The following FER1L6 variants were observed in gnomAD, a reference collection of about 807,000 sequenced individuals.
The protein encoded by FER1L6 is fer-1-like protein 6.
FER1L6 carries 177 observed loss-of-function variants against 219.2 expected under a neutral mutation model. The ratio of observed to expected loss-of-function variants is 0.81; its 90% CI spans 0.71 to 0.91. The LOEUF is 0.91. Among genes scored for constraint, FER1L6 ranks in the 40% least tolerant of loss-of-function variants. The probability of loss-of-function intolerance (pLI) is 0.00; values close to 1 mark genes in which losing one functional copy is unlikely to be tolerated. For synonymous variants in FER1L6, 768 were observed against 824.3 expected (o/e 0.93, Z 1.17); for missense variants, 2,153 against 2,259.9 (o/e 0.95, Z 0.96).
At chr8:123,952,224 G>A (rs1475057976) in intron 1 of FER1L6, among the ~76,000 whole-genome samples, 1 of 152,182 alleles carries the variant, frequency 6.6e-6, no homozygotes, top group Non-Finnish European at 1.5e-5. Flanking sequence ...GCTCAGAGAA[G>A]TCCCAGGGCC....
intron 1 of FER1L6, among the ~76,000 whole-genome samples, chr8:123,910,524 C>T (rs1813032941): frequency 6.6e-6 from 1 of 152,202 alleles, no homozygotes; most frequent in African/African-American, 2.4e-5. Context: ...TTTTGTTCAA[C>T]ATAATTTCAT....
At chr8:124,106,530 A>C (rs1822783819) in intron 39 of FER1L6, among the ~76,000 whole-genome samples, 2 of 152,004 alleles carry the variant, frequency 1.3e-5, no homozygotes, top group African/African-American at 4.8e-5. Context: ...CTCCCCTCTC[A>C]ACCATCCTGA....
chr8:123,944,875 G>A (rs79294584), intron 1 of FER1L6, among the ~76,000 whole-genome samples: 2 of 152,138 alleles, frequency 1.3e-5, no homozygotes, highest in African/African-American at 4.8e-5. Context: ...TATCTACTCA[G>A]GGTCTTGGCT....
intron 34 of FER1L6, among the ~76,000 whole-genome samples, chr8:124,093,829 A>C (rs1302780997): frequency 2.0e-5 from 3 of 151,644 alleles, no homozygotes; most frequent in Non-Finnish European, 4.4e-5. Context: ...TGGGTACATA[A>C]TAGGTATTTA....
chr8:123,902,527 C>T (rs1047149963), intron 1 of FER1L6, among the ~76,000 whole-genome samples: 2 of 152,104 alleles, frequency 1.3e-5, no homozygotes, highest in African/African-American at 4.8e-5. Flanking sequence ...GTGATATTTT[C>T]CTGTTGCACA....
intron 33 of FER1L6, among the ~76,000 whole-genome samples, chr8:124,086,455 A>T (rs1340235940): frequency 6.6e-6 from 1 of 152,032 alleles, no homozygotes; most frequent in Non-Finnish European, 1.5e-5. Context: ...AACAAAAAAA[A>T]AAAGCAAAAA....
intron 31 of FER1L6, among the ~76,000 whole-genome samples, chr8:124,073,710 T>A (rs1304158115): frequency 6.6e-6 from 1 of 152,218 alleles, no homozygotes; most frequent in African/African-American, 2.4e-5. Context: ...GACCCTGTTC[T>A]ATGTCCTAGA....
chr8:123,936,241 G>A (rs1437770487), intron 1 of FER1L6, among the ~76,000 whole-genome samples: 1 of 152,150 alleles, frequency 6.6e-6, no homozygotes. Context: ...TTCAAGCATA[G>A]AACCAGAAGA....
chr8:124,113,760 ATCC>A (rs1823114238), intron 39 of FER1L6, among the ~76,000 whole-genome samples: 1 of 152,134 alleles, frequency 6.6e-6, no homozygotes, highest in Admixed American at 6.5e-5. Context: ...CTTATTCTCT[ATCC>A]TCTGTATTTC....
At chr8:124,027,285 T>C (rs1818750020) in intron 18 of FER1L6, among the ~76,000 whole-genome samples, 1 of 152,204 alleles carries the variant, frequency 6.6e-6, no homozygotes, top group Non-Finnish European at 1.5e-5. Flanking sequence ...TATATACTAG[T>C]TGTATGACCT....
intron 18 of FER1L6, 120 bp from the exon 19 acceptor site, chr8:124,035,157 G>A (rs987829729): frequency 9.5e-6 from 10 of 1,053,216 alleles, no homozygotes; most frequent in East Asian, 5.0e-5. Flanking sequence ...AGGAGCTCTT[G>A]AGAACTGCTC....
chr8:124,010,832 T>C, intron 14 of FER1L6, 118 bp downstream of exon 14: 1 of 1,389,730 alleles, frequency 7.2e-7, no homozygotes. Context: ...AAATTGAGGA[T>C]GCTGCATTTG....
intron 1 of FER1L6, among the ~76,000 whole-genome samples, chr8:123,938,330 A>G (rs16899118): frequency 0.25 from 37,997 of 152,124 alleles, 5,226 homozygotes; most frequent in East Asian, 0.41. Context: ...GAAAAGCTAC[A>G]TCATGACTTG....
chr8:123,906,386 C>A (rs1812953396), intron 1 of FER1L6, among the ~76,000 whole-genome samples: 1 of 152,140 alleles, frequency 6.6e-6, no homozygotes, highest in South Asian at 2.1e-4. Context: ...TAGGAAAAAT[C>A]TGGGTGAGTG....
intron 1 of FER1L6, among the ~76,000 whole-genome samples, chr8:123,878,211 G>A (rs763236530): frequency 6.6e-6 from 1 of 152,134 alleles, no homozygotes; most frequent in Non-Finnish European, 1.5e-5. Context: ...AGGAAGACAC[G>A]TGCTGTGCTG....
chr8:123,877,643 C>T (rs1222265884), intron 1 of FER1L6, among the ~76,000 whole-genome samples: 9 of 152,036 alleles, frequency 5.9e-5, no homozygotes, highest in African/African-American at 1.4e-4. Context: ...CTTGAATCTA[C>T]GTCTCTCAAG....
At chr8:123,906,794 C>A (rs972780843) in intron 1 of FER1L6, among the ~76,000 whole-genome samples, 1 of 137,094 alleles carries the variant, frequency 7.3e-6, no homozygotes, top group Non-Finnish European at 1.6e-5. Context: ...TAGAGCAAGA[C>A]TTCATCTCCG....
At chr8:124,019,137 C>T (rs1391421517) in intron 16 of FER1L6, among the ~76,000 whole-genome samples, 1 of 152,130 alleles carries the variant, frequency 6.6e-6, no homozygotes, top group Non-Finnish European at 1.5e-5. Context: ...AATCTAAATC[C>T]CTTTTGCATG....
At chr8:124,004,376 A>G (rs1817566362) in intron 13 of FER1L6, 1 of 152,160 alleles carries the variant, frequency 6.6e-6, no homozygotes, top group Non-Finnish European at 1.5e-5. Flanking sequence ...ATAATAGAAT[A>G]TTTCTTCCCC....
Sources: gnomAD v4.1 joint callset for allele counts (sites outside exome capture counted in the v4.1 genomes callset) on GRCh38, gnomAD v4.1.1 for gene constraint, MANE v1.5 for transcripts, NCBI Gene and HGNC (gene_info 2026-07-23, HGNC 2026-07-21) for gene names.